The following CFAP74 variants were observed in gnomAD, a reference collection of about 807,000 sequenced individuals.
CFAP74 encodes the protein cilia and flagella associated protein 74, also known as cilia- and flagella-associated protein 74.
A neutral mutation model predicts 188.9 loss-of-function variants in CFAP74; 124 were observed. The observed-to-expected ratio is 0.66, with a 90% CI of 0.57 to 0.76. The LOEUF is 0.76. Ranked by LOEUF, CFAP74 falls within the 30% of genes least tolerant of loss-of-function variation. The pLI is 0.00. For missense variants in CFAP74, 2,198 were observed against 2,165.2 expected (o/e 1.02, Z -0.30); for synonymous variants, 956 against 916.7 (o/e 1.04, Z -0.77).
In CFAP74 at chr1:1,964,926, G is replaced by A. The variant is rs766114699; in HGVS notation, c.1537C>T (p.Arg513Cys). The A allele has an allele frequency of 2.6e-5, 42 of 1,613,872 alleles. No homozygotes were observed. In the East Asian group the frequency reaches 3.8e-4, roughly 15 times the overall value. The stretch of plus-strand genomic sequence containing the variant: ...AGCTCCGGTTTGCTGTTGAAGGGGC[G>A]TCCTTGGAACTCACGCCCCCACACC... The part of the protein sequence containing the change: ...QVVWGREFQG[R>C]PFNSKPELLH... Residue 513 changes from arginine to cysteine, a missense_variant, in exon 13 of 39, where the codon CGC (arginine) becomes TGC (cysteine). By Grantham distance (180) the Arg-to-Cys change is radical (BLOSUM62 -3). Transcript: ENST00000682832.
intron 9 of CFAP74, 24 bp from the exon 10 acceptor site, chr1:1,970,840 T>C (rs777133002): frequency 4.3e-6 from 7 of 1,612,622 alleles, no homozygotes; most frequent in African/African-American, 1.3e-5. Context: ...AGCACTGAGA[T>C]GACAGCAGCA....
intron 6 of CFAP74, among the ~76,000 whole-genome samples, chr1:1,981,045 A>T (rs1001048714): frequency 5.3e-5 from 8 of 152,190 alleles, no homozygotes; most frequent in Non-Finnish European, 1.2e-4. Context: ...CCAGAGCCAC[A>T]ACGGAGGCCT....
rs952726690 is a variant in CFAP74, at chr1:1,968,292, G to A, written c.1245+343C>T. ...GGCTGTGCACATCTCCCTGGCAGGC[G>A]GCTGACCCAGCTCTACAGGGCCAGG... is the stretch of plus-strand genomic sequence containing the variant. On this transcript the variant is annotated intron_variant, in intron 11 of 38. Transcript: ENST00000682832. The surrounding 1 kb of genome is among the most constrained non-coding windows in gnomAD (Gnocchi z 4.3). Among the ~76,000 whole-genome samples the A allele has an allele frequency of 1.3e-5, 2 of 152,122 alleles. No individual in the cohort carries two copies. The highest frequency in any genetic ancestry group is 2.4e-5 in the African/African-American group (1 of 41,418).
At position 1,942,317 on chromosome 1, in the gene CFAP74, C is replaced by A. The variant is rs565490119; in HGVS notation, c.2487-161G>T. ...GCACGTGCACCTCGACAATCGGAGTCCTCAAAGCCCTGCTTTGTAAGGGCT... is the reference window on the plus strand; with the variant it reads ...GCACGTGCACCTCGACAATCGGAGTACTCAAAGCCCTGCTTTGTAAGGGCT... On this transcript the variant is annotated intron_variant, in intron 21 of 38. Transcript: ENST00000682832. The surrounding 1 kb of genome is among the most constrained non-coding windows in gnomAD (Gnocchi z 4.3). Among the ~76,000 whole-genome samples the A allele has an allele frequency of 2.2e-4, 34 of 152,198 alleles. No homozygotes were observed. The highest frequency in any genetic ancestry group is 8.5e-4 in the Admixed American group (13 of 15,282).
rs775510868 is a variant in CFAP74 at position 1,959,968 on chromosome 1, G to A, written c.1757C>T (p.Pro586Leu). The stretch of plus-strand genomic sequence containing the variant: ...GAACGGGCCCCTCTGACTCACCATC[G>A]GCTTGAAGGTGACAAGCACTTCACA... ...MSCEVLVTFK[P>L]MINKDLEGNI... Residue 586 changes from proline to leucine, a missense_variant, in exon 15 of 39, where the codon CCG becomes CTG. Pro to Leu is a moderately conservative substitution (Grantham distance 98). Transcript: ENST00000682832. The A allele has an allele frequency of 7.6e-6, 12 of 1,589,316 alleles. No individual in the cohort carries two copies. Among genetic ancestry groups the A allele is most frequent in the South Asian group, 4.5e-5 (4 of 88,864 alleles).
chr1:1,934,777 G>A (rs1412958271), intron 25 of CFAP74, among the ~76,000 whole-genome samples: 5 of 149,296 alleles, frequency 3.3e-5, no homozygotes, highest in Admixed American at 1.3e-4. Context: ...ACGTGTGTAC[G>A]TGGGTGTTAG....
rs1002919485 is a variant in CFAP74, at chr1:1,954,655, G to A, written c.2176+1036C>T. Reference sequence around the variant, plus strand: ...AAAAACTAGCCAGGTGCGGTGGTGCGTGCCTGTAGTTCCAGCTACTCAGGA... The same window carrying A: ...AAAAACTAGCCAGGTGCGGTGGTGCATGCCTGTAGTTCCAGCTACTCAGGA... On this transcript the variant is annotated intron_variant, in intron 18 of 38. Coordinates refer to ENST00000682832, the MANE Select transcript of CFAP74 (RefSeq NM_001304360.2). The A allele has an allele frequency of 1.3e-4, 30 of 235,266 alleles. 1 individual carries two copies. In the South Asian group the frequency reaches 2.1e-3, roughly 16 times the overall value. 14.6% of individuals were successfully genotyped at this position (235,266 alleles called of 1,614,324 possible). A position where few individuals can be genotyped will look rare whatever the true frequency, so the allele number is the denominator to read the frequency against.
intron 20 of CFAP74, among the ~76,000 whole-genome samples, chr1:1,946,029 CGTGT>C (rs1332240189): frequency 2.1e-5 from 3 of 140,546 alleles, no homozygotes; most frequent in Non-Finnish European, 4.6e-5. Flanking sequence ...TGCGTGTGTA[CGTGT>C]GTGTGGGCTC....
chr1:1,937,962 A>G (rs1480612910), intron 25 of CFAP74, among the ~76,000 whole-genome samples: 1 of 150,956 alleles, frequency 6.6e-6, no homozygotes, highest in African/African-American at 2.4e-5. Flanking sequence ...ATACACATGT[A>G]CACACATGCA....
rs370126759 is a variant in CFAP74 at position 1,924,551 on chromosome 1, C to T, written c.4105-31G>A. The T allele has an allele frequency of 2.9e-5, 46 of 1,583,374 alleles. No individual in the cohort carries two copies. In the African/African-American group the frequency reaches 5.1e-4, roughly 18 times the overall value. ...GAGAGCAGGCCGCGGTCACTGCCCG[C>T]CAGCCCCTGCCTGGCTGCCCCCTTC... On this transcript the variant is annotated intron_variant, in intron 33 of 38. Coordinates refer to ENST00000682832, the MANE Select transcript of CFAP74 (RefSeq NM_001304360.2).
intron 1 of CFAP74, among the ~76,000 whole-genome samples, chr1:1,999,964 G>A (rs1196962048): frequency 1.3e-5 from 2 of 152,102 alleles, no homozygotes; most frequent in Admixed American, 1.3e-4. Context: ...AGGAGATCAA[G>A]ACCATCCTGG....
chr1:1,998,782 T>C (rs959294062), intron 1 of CFAP74, among the ~76,000 whole-genome samples: 3 of 151,438 alleles, frequency 2.0e-5, no homozygotes, highest in Non-Finnish European at 4.4e-5. Context: ...GAGGCTGAGG[T>C]AGGAGAATGG....
intron 25 of CFAP74, 93 bp from the exon 26 acceptor site, chr1:1,930,429 C>T (rs553890235): frequency 1.5e-5 from 19 of 1,268,368 alleles, no homozygotes; most frequent in Middle Eastern, 4.6e-4. Context: ...GGACAAGCCC[C>T]GGGGGGGGCT....
intron 13 of CFAP74, 29 bp downstream of exon 13, chr1:1,964,859 T>C (rs1241647536): frequency 1.1e-5 from 17 of 1,612,634 alleles, no homozygotes; most frequent in Non-Finnish European, 1.2e-5. Flanking sequence ...CTGCTGCCCG[T>C]CCCGTTCCTG....
chr1:1,926,461 A>G lies in CFAP74; in HGVS notation c.3824T>C (p.Leu1275Pro), dbSNP rs1191041824. The change falls in exon 31 of 39, where the codon CTG (leucine) becomes CCG (proline). Residue 1275 changes from leucine to proline, a missense_variant. By Grantham distance (98) the Leu-to-Pro change is moderately conservative. Transcript: ENST00000682832. ...GAGCTGGGTGGACAAGGACACGGCC[A>G]GATCCTCGGGAGAGACGTTCTGGAT... The part of the protein sequence containing the change: ...ISIQNVSPED[L>P]ALDFSLLNPN... The G allele has an allele frequency of 6.5e-7, 1 of 1,550,144 alleles. No homozygotes were observed. The highest frequency in any genetic ancestry group is 8.7e-7 in the Non-Finnish European group (1 of 1,146,922).
rs372823204 is a variant in CFAP74, at chr1:1,960,024, G to C, written c.1701C>G (p.Asp567Glu). The change falls in exon 15 of 39, where the codon GAC (aspartate) becomes GAG (glutamate). Residue 567 changes from aspartate (D) to glutamate (E), a missense_variant. Transcript: ENST00000682832. ...TTCCGGCTGACAGGGGGCCAGGGGG[G>C]TCAAAGCTGCAGGACGTGACCCATA... ...HLRDFIHVDF[D>E]PPGPLSAGMS... 1.3e-6 allele frequency: 2 copies of C among 1,591,844 alleles called. No individual in the cohort carries two copies. The highest frequency in any genetic ancestry group is 3.6e-5 in the Admixed American group (2 of 55,726).
At chr1:1,927,146 T>C in intron 28 of CFAP74, 118 bp from the exon 29 acceptor site, 1 of 1,233,158 alleles carries the variant, frequency 8.1e-7, no homozygotes. Flanking sequence ...GCTGTGGCTG[T>C]CCCAGTTGTG....
intron 20 of CFAP74, among the ~76,000 whole-genome samples, chr1:1,945,855 C>T (rs2102050912): frequency 1.0e-5 from 1 of 98,770 alleles, no homozygotes; most frequent in Non-Finnish European, 2.5e-5. Flanking sequence ...AGAACAAAGG[C>T]TCTGCGTGTG....
intron 18 of CFAP74, among the ~76,000 whole-genome samples, chr1:1,951,451 A>G (rs1177977576): frequency 6.6e-6 from 1 of 151,816 alleles, no homozygotes; most frequent in East Asian, 1.9e-4. Context: ...CCTCTGTTCA[A>G]AACCAGTTGA....
Sources: gnomAD v4.1 joint callset for allele counts (sites outside exome capture counted in the v4.1 genomes callset) on GRCh38, gnomAD v4.1.1 for gene constraint, Gnocchi (gnomAD v3.1) non-coding constraint, MANE v1.5 for transcripts, NCBI Gene and HGNC (gene_info 2026-07-23, HGNC 2026-07-21) for gene names.